The following MTHFD1 variants were observed in gnomAD, a reference collection of about 807,000 sequenced individuals.
MTHFD1 encodes the protein methylenetetrahydrofolate dehydrogenase, cyclohydrolase and formyltetrahydrofolate synthetase 1, also known as C-1-tetrahydrofolate synthase, cytoplasmic.
A neutral mutation model predicts 110.3 loss-of-function variants in MTHFD1; 44 were observed. The observed-to-expected ratio is 0.40, with a 90% confidence interval of 0.31 to 0.51. MTHFD1 has a LOEUF of 0.51. MTHFD1 is among the 20% of genes least tolerant of loss of function. MTHFD1 has a pLI of 0.60. For missense variants in MTHFD1, 909 were observed against 1,173.1 expected, an observed-to-expected ratio of 0.77 and a Z score of 3.29; for synonymous variants, 402 against 428.8, an observed-to-expected ratio of 0.94 and a Z score of 0.77.
At position 64,417,315 on chromosome 14, in the gene MTHFD1, C is replaced by G. The variant is rs1359534936; in HGVS notation, c.479-573C>G. On this transcript the variant is annotated intron_variant, in intron 6 of 27. Coordinates refer to ENST00000652337, the MANE Select transcript of MTHFD1 (RefSeq NM_005956.4). The surrounding 1 kb of genome is among the most constrained non-coding windows in gnomAD (Gnocchi z 4.4). The stretch of plus-strand genomic sequence containing the variant: ...TGGTATATTGCCAGAAAAATGGATG[C>G]TGTGATAGCAAAAAGAAAGCTTTGC... Among the ~76,000 whole-genome samples the G allele has an allele frequency of 6.6e-6, 1 of 152,206 alleles. No individual in the cohort carries two copies. The highest frequency in any genetic ancestry group is 1.5e-5 in the Non-Finnish European group (1 of 68,036).
intron 24 of MTHFD1, among the ~76,000 whole-genome samples, chr14:64,451,164 CA>C (rs1388379532): frequency 4.0e-5 from 6 of 149,702 alleles, no homozygotes; most frequent in South Asian, 4.2e-4. Context: ...AACTTCGTCT[CA>C]AAAAAAAAAT....
chr14:64,408,285 CT>C lies in MTHFD1; in HGVS notation c.127-2785del, dbSNP rs1555336630. Among the ~76,000 whole-genome samples, 284 of 121,164 alleles carry C rather than the reference CT, an allele frequency of 2.3e-3. 17 individuals are homozygous for C. Among genetic ancestry groups the C allele is most frequent in the African/African-American group, 5.1e-3 (155 of 30,544 alleles). The allele number at this position is 121,164 out of a possible 152,430, so 79.5% of individuals were successfully genotyped here. A position where few individuals can be genotyped will look rare whatever the true frequency, so the allele number is the denominator to read the frequency against. On this transcript the variant is annotated intron_variant, in intron 2 of 27. Coordinates refer to ENST00000652337, the MANE Select transcript of MTHFD1 (RefSeq NM_005956.4). ...CCACCTTCAAGGAGAAATCAGCATTCTTTTTTTTTTTTTTTTTTTTGAGATG... is the reference window on the plus strand; with the variant it reads ...CCACCTTCAAGGAGAAATCAGCATTCTTTTTTTTTTTTTTTTTTTGAGATG...
intron 7 of MTHFD1, 80 bp from the exon 8 acceptor site, chr14:64,419,734 G>A: frequency 4.3e-6 from 4 of 921,692 alleles, no homozygotes; most frequent in South Asian, 4.0e-5. Context: ...AAAGCTCAGG[G>A]ATATCCTTTT....
chr14:64,438,162 C>G (rs898620019), intron 16 of MTHFD1, among the ~76,000 whole-genome samples: 37 of 152,208 alleles, frequency 2.4e-4, no homozygotes, highest in South Asian at 6.2e-4. Context: ...GCGTGAGCCA[C>G]TGTGCCCGGC....
chr14:64,455,101 C>T (rs2078447769), intron 26 of MTHFD1: 2 of 539,466 alleles, frequency 3.7e-6, no homozygotes, highest in Admixed American at 3.1e-5. Context: ...CAGGACTACT[C>T]ATACTGAATA....
chr14:64,390,751 C>T (rs1048884740), intron 1 of MTHFD1, among the ~76,000 whole-genome samples: 5 of 152,084 alleles, frequency 3.3e-5, no homozygotes, highest in East Asian at 1.9e-4. Flanking sequence ...CAGGTTCAAG[C>T]GATTCTCCTG....
chr14:64,403,570 A>T lies in MTHFD1; in HGVS notation c.126+2693A>T, dbSNP rs1291821839. 4.2e-5 allele frequency among the ~76,000 whole-genome samples: 6 copies of T among 142,868 alleles called. No homozygotes were observed. The East Asian group carries it at 1.2e-3, about 29-fold the overall frequency. The allele number at this position is 142,868 out of a possible 152,430, so 93.7% of individuals were successfully genotyped here. A position where few individuals can be genotyped will look rare whatever the true frequency, so the allele number is the denominator to read the frequency against. ...GGTGTAAGCCACTGCGCCCAGCCTTAATTTTTTGTATTTTTTTGTAGAGTT... is the reference window on the plus strand; with the variant it reads ...GGTGTAAGCCACTGCGCCCAGCCTTTATTTTTTGTATTTTTTTGTAGAGTT... On this transcript the variant is annotated intron_variant, in intron 2 of 27. Transcript: ENST00000652337.
At chr14:64,455,699 T>C (rs573698555) in intron 26 of MTHFD1, among the ~76,000 whole-genome samples, 3 of 152,316 alleles carry the variant, frequency 2.0e-5, no homozygotes, top group Admixed American at 6.5e-5. Flanking sequence ...ATTCTTTCAG[T>C]ATAGTAAGAA....
chr14:64,423,758 G>C lies in MTHFD1; in HGVS notation c.728-1046G>C, dbSNP rs187066777. ...TCTTTTTTTTCTGAGACAGAGTCTC[G>C]CTCTGTTGCCCAGGCTGGAGTGCAG... On this transcript the variant is annotated intron_variant, in intron 8 of 27. Coordinates refer to ENST00000652337, the MANE Select transcript of MTHFD1 (RefSeq NM_005956.4). 8.5e-3 allele frequency among the ~76,000 whole-genome samples: 1,274 copies of C among 149,672 alleles called. 18 individuals carry two copies. Among genetic ancestry groups the C allele is most frequent in the African/African-American group, 0.03 (1,210 of 40,630 alleles).
At chr14:64,411,759 G>A (rs1308871493) in intron 3 of MTHFD1, among the ~76,000 whole-genome samples, 1 of 152,128 alleles carries the variant, frequency 6.6e-6, no homozygotes, top group African/African-American at 2.4e-5. Context: ...AAATTAGCTG[G>A]GTGTGGTGGC....
chr14:64,449,593 A>G lies in MTHFD1; in HGVS notation c.2428A>G (p.Ser810Gly). ...CGTCCAGAGAGCAGCACAAGCACCCAGCAGCTTCCAGCTCCTTTATGACCT... is the reference window on the plus strand; with the variant it reads ...CGTCCAGAGAGCAGCACAAGCACCCGGCAGCTTCCAGCTCCTTTATGACCT... ...QAVQRAAQAP[S>G]SFQLLYDLKL... Residue 810 changes from serine to glycine, a missense_variant, in exon 24 of 28, where the codon AGC becomes GGC. By Grantham distance (56) the Ser-to-Gly change is moderately conservative (BLOSUM62 0). Around this residue, in one of 3 missense-constraint regions of MTHFD1, gnomAD observed 482 missense variants for 646.0 expected, o/e 0.75. Transcript: ENST00000652337. 6.2e-7 allele frequency: 1 copy of G among 1,614,182 alleles called. No homozygotes were observed. The highest frequency in any genetic ancestry group is 1.1e-5 in the South Asian group (1 of 91,078).
chr14:64,406,298 C>T (rs1376128728), intron 2 of MTHFD1, among the ~76,000 whole-genome samples: 3 of 151,720 alleles, frequency 2.0e-5, no homozygotes, highest in Non-Finnish European at 4.4e-5. Flanking sequence ...CTCGGCCTCT[C>T]AAAGTGCTAG....
At chr14:64,416,330 T>G (rs1012764213) in intron 6 of MTHFD1, among the ~76,000 whole-genome samples, 1 of 152,212 alleles carries the variant, frequency 6.6e-6, no homozygotes, top group Non-Finnish European at 1.5e-5. Context: ...AACCAAGATT[T>G]GAATTCAGAG....
chr14:64,421,418 T>C (rs906774438), intron 8 of MTHFD1, among the ~76,000 whole-genome samples: 1 of 152,122 alleles, frequency 6.6e-6, no homozygotes, highest in African/African-American at 2.4e-5. Flanking sequence ...CCAGGAACAT[T>C]AGTCACTGTC....
At chr14:64,396,291 A>G (rs1166699766) in intron 1 of MTHFD1, among the ~76,000 whole-genome samples, 1 of 152,112 alleles carries the variant, frequency 6.6e-6, no homozygotes, top group Non-Finnish European at 1.5e-5. Flanking sequence ...ATGACTAGCA[A>G]TTTGAAATAT....
At chr14:64,420,277 T>C (rs2140959497) in intron 8 of MTHFD1, among the ~76,000 whole-genome samples, 1 of 152,288 alleles carries the variant, frequency 6.6e-6, no homozygotes, top group Non-Finnish European at 1.5e-5. Flanking sequence ...TACAGTATAA[T>C]TATTGCAAAG....
At chr14:64,400,744 T>C (rs754201372) in intron 1 of MTHFD1, 49 bp from the exon 2 acceptor site, 6 of 1,156,242 alleles carry the variant, frequency 5.2e-6, no homozygotes, top group Middle Eastern at 1.9e-4. Context: ...CATCACTTAT[T>C]TGTGCTTGAA....
At chr14:64,400,725 A>G in intron 1 of MTHFD1, 68 bp from the exon 2 acceptor site, 1 of 980,208 alleles carries the variant, frequency 1.0e-6, no homozygotes, top group Non-Finnish European at 1.6e-6. Flanking sequence ...AAATACATCT[A>G]ATAATCTGCA....
chr14:64,452,087 G>A (rs2078382657), intron 24 of MTHFD1, among the ~76,000 whole-genome samples: 1 of 152,176 alleles, frequency 6.6e-6, no homozygotes, highest in Non-Finnish European at 1.5e-5. Flanking sequence ...CCTAAGGTCA[G>A]GAGTTCGAGA....
Sources: allele counts gnomAD v4.1 joint callset (sites outside exome capture counted in the v4.1 genomes callset), GRCh38; gene constraint gnomAD v4.1.1; regional missense constraint gnomAD v4.1.1; non-coding constraint Gnocchi (gnomAD v3.1); transcripts MANE v1.5; gene names NCBI Gene and HGNC (gene_info 2026-07-23, HGNC 2026-07-21).